Variants in SLC13A1 observed in about 807,000 individuals in gnomAD.
SLC13A1 encodes solute carrier family 13 member 1, also known as Na(+)/sulfate cotransporter.
A neutral mutation model predicts 70.0 loss-of-function variants in SLC13A1; 65 were observed. The ratio of observed to expected loss-of-function variants is 0.93; its 90% CI spans 0.76 to 1.14. SLC13A1 has a LOEUF of 1.14. Among genes scored for constraint, SLC13A1 ranks in the 50% most tolerant of loss-of-function variants. SLC13A1 has a pLI of 0.00. For synonymous variants in SLC13A1, 275 were observed against 250.5 expected, an observed-to-expected ratio of 1.10 and a Z score of -0.92; for missense variants, 726 against 717.8, an observed-to-expected ratio of 1.01 and a Z score of -0.13.
chr7:123,176,785 G>T (rs918839933), intron 2 of SLC13A1, among the ~76,000 whole-genome samples: 1 of 152,034 alleles, frequency 6.6e-6, no homozygotes, highest in Non-Finnish European at 1.5e-5. Context: ...ACACCCTCCT[G>T]GTTCTCCTCC....
intron 1 of SLC13A1, chr7:123,190,603 G>C (rs774760821): frequency 5.3e-5 from 24 of 456,560 alleles, no homozygotes; most frequent in South Asian, 3.7e-4. Flanking sequence ...TCTTGGAAAA[G>C]TCAGAATAAG....
chr7:123,147,145 A>G lies in SLC13A1; in HGVS notation c.812+14T>C. On this transcript the variant is annotated intron_variant, in intron 7 of 14. Coordinates refer to ENST00000194130, the MANE Select transcript of SLC13A1 (RefSeq NM_022444.4). ...GCCCTTATGTTAAATCACCAATCCA[A>G]TAAGGTTACTTACGTATTGAAATAC... The G allele has an allele frequency of 1.2e-6, 2 of 1,609,608 alleles. No homozygotes were observed. Among genetic ancestry groups the G allele is most frequent in the Non-Finnish European group, 1.7e-6 (2 of 1,178,468 alleles).
chr7:123,167,566 T>G (rs569769550), intron 6 of SLC13A1, among the ~76,000 whole-genome samples: 1 of 152,114 alleles, frequency 6.6e-6, no homozygotes, highest in East Asian at 1.9e-4. Flanking sequence ...ACTATAGGAG[T>G]ATTTCTATGT....
At chr7:123,193,513 C>T (rs550797682) in intron 1 of SLC13A1, among the ~76,000 whole-genome samples, 2 of 152,150 alleles carry the variant, frequency 1.3e-5, no homozygotes, top group Non-Finnish European at 2.9e-5. Flanking sequence ...CTGAGAGAGG[C>T]ATCACCTCAA....
intron 7 of SLC13A1, among the ~76,000 whole-genome samples, chr7:123,146,929 C>G (rs28364198): frequency 6.6e-6 from 1 of 152,110 alleles, no homozygotes. Flanking sequence ...CAAGAGTTAT[C>G]CCCTCTGAGC....
intron 9 of SLC13A1, 83 bp from the exon 10 acceptor site, chr7:123,129,029 G>T: frequency 2.2e-6 from 2 of 896,138 alleles, no homozygotes; most frequent in South Asian, 1.4e-5. Flanking sequence ...TGTCAGGAAT[G>T]ATCGCAGTAG....
In SLC13A1 at chr7:123,174,438, G is replaced by A. The variant is rs184561849; in HGVS notation, c.229-2534C>T. Among the ~76,000 whole-genome samples, 25 of 152,174 alleles carry A rather than the reference G, an allele frequency of 1.6e-4. No homozygotes were observed. In the East Asian group the frequency reaches 3.5e-3, roughly 21 times the overall value. On this transcript the variant is annotated intron_variant, in intron 2 of 14. Coordinates refer to ENST00000194130, the MANE Select transcript of SLC13A1 (RefSeq NM_022444.4). ...CAGTTGCCCAAGACAGAGACCTAAA[G>A]GTCAGCCATGATTCCTTTTTCACTT... is the stretch of plus-strand genomic sequence containing the variant.
chr7:123,143,398 C>G (rs1325398876), intron 7 of SLC13A1, among the ~76,000 whole-genome samples: 1 of 152,192 alleles, frequency 6.6e-6, no homozygotes, highest in Non-Finnish European at 1.5e-5. Context: ...TGTGGGAAGT[C>G]AAGTTCCAAC....
At chr7:123,179,921 C>T (rs970718467) in intron 2 of SLC13A1, among the ~76,000 whole-genome samples, 4 of 151,956 alleles carry the variant, frequency 2.6e-5, no homozygotes, top group Admixed American at 6.6e-5. Flanking sequence ...TTTTTATTCC[C>T]GATATTGAAA....
At chr7:123,190,258 G>C (rs1795951285) in intron 1 of SLC13A1, among the ~76,000 whole-genome samples, 1 of 152,104 alleles carries the variant, frequency 6.6e-6, no homozygotes, top group Non-Finnish European at 1.5e-5. Context: ...TACATGTCAC[G>C]TAGCAGTATG....
chr7:123,148,174 C>G (rs1031957625), intron 6 of SLC13A1, among the ~76,000 whole-genome samples: 6 of 152,106 alleles, frequency 3.9e-5, no homozygotes, highest in Admixed American at 2.0e-4. Context: ...ATCTCTTTCT[C>G]TCCCCATTCC....
chr7:123,113,864 C>T lies in SLC13A1; in HGVS notation c.*1654G>A, dbSNP rs1793084666. 6.6e-6 allele frequency: 1 copy of T among 151,446 alleles called. No individual in the cohort carries two copies. Among genetic ancestry groups the T allele is most frequent in the Admixed American group, 6.6e-5 (1 of 15,224 alleles). 9.4% of individuals were successfully genotyped at this position (151,446 alleles called of 1,614,324 possible). On this transcript the variant is annotated 3_prime_UTR_variant, in exon 15 of 15. Coordinates refer to ENST00000194130, the MANE Select transcript of SLC13A1 (RefSeq NM_022444.4). ...GTATGTTAAATATTATTTTAAAAAC[C>T]CTCTTTACTATATTTAGTTTCAAGA...
At chr7:123,132,730 T>C (rs1220076823) in intron 8 of SLC13A1, among the ~76,000 whole-genome samples, 2 of 152,222 alleles carry the variant, frequency 1.3e-5, no homozygotes, top group African/African-American at 2.4e-5. Flanking sequence ...TGAAATTATT[T>C]AAATAAAACC....
intron 9 of SLC13A1, 55 bp downstream of exon 9, chr7:123,129,322 CTCTGTG>C (rs1354262974): frequency 6.3e-6 from 6 of 951,544 alleles, no homozygotes; most frequent in Admixed American, 3.0e-5. Context: ...TTTCTCTCTT[CTCTGTG>C]TGTGTGTGTG....
chr7:123,152,013 C>T (rs1480860631), intron 6 of SLC13A1, among the ~76,000 whole-genome samples: 1 of 151,724 alleles, frequency 6.6e-6, no homozygotes, highest in Non-Finnish European at 1.5e-5. Flanking sequence ...CCTACAAAAT[C>T]TGAAAGATTT....
chr7:123,174,322 T>G (rs1264435307), intron 2 of SLC13A1, among the ~76,000 whole-genome samples: 2 of 152,024 alleles, frequency 1.3e-5, no homozygotes, highest in African/African-American at 2.4e-5. Flanking sequence ...CACCTACAAT[T>G]CAACATATCC....
At position 123,149,737 on chromosome 7, in the gene SLC13A1, G is replaced by C. The variant is rs533950876; in HGVS notation, c.661-2427C>G. On this transcript the variant is annotated intron_variant, in intron 6 of 14. Coordinates refer to ENST00000194130, the MANE Select transcript of SLC13A1 (RefSeq NM_022444.4). Reference sequence around the variant, plus strand: ...TCAAGAAATTGGCACAGTTATCACAGTTTCTTCTTCCAACTTTGCTGTTGA... The same window carrying C: ...TCAAGAAATTGGCACAGTTATCACACTTTCTTCTTCCAACTTTGCTGTTGA... The C allele has an allele frequency of 5.0e-4, 206 of 409,738 alleles. 1 individual carries two copies. The highest frequency in any genetic ancestry group is 3.6e-3 in the South Asian group (203 of 57,062). The allele number at this position is 409,738 out of a possible 1,614,324, so 25.4% of individuals were successfully genotyped here. A position where few individuals can be genotyped will look rare whatever the true frequency, so the allele number is the denominator to read the frequency against.
chr7:123,184,076 CA>C (rs1206207147), intron 1 of SLC13A1, among the ~76,000 whole-genome samples: 1 of 151,982 alleles, frequency 6.6e-6, no homozygotes, highest in African/African-American at 2.4e-5. Flanking sequence ...TGAAGAAAAC[CA>C]AAGGTCTGGA....
chr7:123,165,549 G>A (rs567747979), intron 6 of SLC13A1, among the ~76,000 whole-genome samples: 2 of 152,064 alleles, frequency 1.3e-5, no homozygotes, highest in African/African-American at 4.8e-5. Context: ...AAAAAGCTCA[G>A]TTGCTCAGTT....
Sources: allele counts gnomAD v4.1 joint callset (sites outside exome capture counted in the v4.1 genomes callset), GRCh38; gene constraint gnomAD v4.1.1; transcripts MANE v1.5; gene names NCBI Gene and HGNC (gene_info 2026-07-23, HGNC 2026-07-21).